Variants in ARL6IP6 observed in about 807,000 individuals in gnomAD.
The protein encoded by ARL6IP6 is ARF like GTPase 6 interacting protein 6, also known as ADP-ribosylation factor-like protein 6-interacting protein 6.
In ARL6IP6, 22 loss-of-function variants were observed where a neutral mutation model predicts 21.5. The ratio of observed to expected loss-of-function variants is 1.02; its 90% CI spans 0.73 to 1.46. ARL6IP6 has a LOEUF of 1.46. ARL6IP6 is among the 40% of genes most tolerant of loss of function. ARL6IP6 has a pLI of 0.00. For synonymous variants in ARL6IP6, 164 were observed against 125.3 expected, an observed-to-expected ratio of 1.31 and a Z score of -2.06; for missense variants, 388 against 299.8, an observed-to-expected ratio of 1.29 and a Z score of -2.17.
At chr2:152,755,024 A>G (rs899444499) in intron 3 of ARL6IP6, among the ~76,000 whole-genome samples, 2 of 152,142 alleles carry the variant, frequency 1.3e-5, no homozygotes, top group Non-Finnish European at 2.9e-5. Context: ...GTTTGTAGCA[A>G]TTACTCTTTA....
rs1699461422 is a variant in ARL6IP6, at chr2:152,718,848, C to G, written c.224C>G (p.Pro75Arg). 6.2e-7 allele frequency: 1 copy of G among 1,612,320 alleles called. No homozygotes were observed. Among genetic ancestry groups the G allele is most frequent in the Non-Finnish European group, 8.5e-7 (1 of 1,179,008 alleles). The change falls in exon 1 of 4, where the codon CCG (proline) becomes CGG (arginine). Residue 75 changes from proline to arginine, a missense_variant. Coordinates refer to ENST00000326446, the MANE Select transcript of ARL6IP6 (RefSeq NM_152522.7). ...SEPRKRSVLPPDGNGSPVLPD... is the reference protein window; with the variant it reads ...SEPRKRSVLPRDGNGSPVLPD... ...CCCAGAAAGCGCTCGGTGCTCCCGCCGGACGGGAACGGGTCGCCCGTTCTG... is the reference window on the plus strand; with the variant it reads ...CCCAGAAAGCGCTCGGTGCTCCCGCGGGACGGGAACGGGTCGCCCGTTCTG...
Position 152,718,933 on chromosome 2 carries a change from G to C in ARL6IP6, c.309G>C (p.Arg103=). ...AAAGSRAQPR[R]WPVQVLSILC... ...CGGGCAGCAGAGCCCAGCCTCGGCG[G>C]TGGCCGGTCCAGGTCCTCTCTATTC... The change falls in exon 1 of 4, where the codon CGG becomes CGC. Residue 103 remains arginine, a synonymous_variant. Transcript: ENST00000326446. 6.2e-7 allele frequency: 1 copy of C among 1,613,810 alleles called. No homozygotes were observed. Among genetic ancestry groups the C allele is most frequent in the Non-Finnish European group, 8.5e-7 (1 of 1,179,844 alleles).
At position 152,718,876 on chromosome 2, in the gene ARL6IP6, C is replaced by G. The variant is rs1423198094; in HGVS notation, c.252C>G (p.Pro84=). The change falls in exon 1 of 4, where the codon CCC becomes CCG. Residue 84 remains proline (P), a synonymous_variant. Coordinates refer to ENST00000326446, the MANE Select transcript of ARL6IP6 (RefSeq NM_152522.7). ...PPDGNGSPVL[P]DKRNGIFPAA... is the part of the protein sequence containing the mutation. ...ACGGGAACGGGTCGCCCGTTCTGCC[C>G]GATAAGCGCAATGGTATCTTTCCCG... The G allele has an allele frequency of 1.5e-5, 24 of 1,613,634 alleles. No individual in the cohort carries two copies. In the East Asian group the frequency reaches 4.5e-4, roughly 30 times the overall value.
intron 3 of ARL6IP6, among the ~76,000 whole-genome samples, chr2:152,741,596 T>A (rs1055108804): frequency 4.6e-5 from 7 of 152,088 alleles, no homozygotes; most frequent in African/African-American, 1.7e-4. Context: ...TAAGAAGAGG[T>A]TGAGATTAGA....
chr2:152,717,748 G>A, upstream of ARL6IP6: 1 of 1,307,114 alleles, frequency 7.7e-7, no homozygotes, highest in Non-Finnish European at 9.8e-7. Context: ...CCCGAGCTTA[G>A]ACCGCCTCAC....
chr2:152,746,680 C>A (rs914396846), intron 3 of ARL6IP6, among the ~76,000 whole-genome samples: 1 of 152,064 alleles, frequency 6.6e-6, no homozygotes, highest in African/African-American at 2.4e-5. Flanking sequence ...GCAACAGATA[C>A]GTCAGATGAT....
At chr2:152,752,810 G>C (rs923223947) in intron 3 of ARL6IP6, among the ~76,000 whole-genome samples, 2 of 152,204 alleles carry the variant, frequency 1.3e-5, no homozygotes, top group Non-Finnish European at 2.9e-5. Context: ...CCGGTGTGGG[G>C]AGATGGGGCT....
Position 152,735,014 on chromosome 2 carries a change from A to T in ARL6IP6, c.475A>T (p.Ile159Leu), listed in dbSNP as rs776691871. The change falls in exon 3 of 4, where the codon ATA becomes TTA. Residue 159 changes from isoleucine to leucine, a missense_variant. Physicochemically the swap from Ile to Leu is conservative, Grantham distance 5. Coordinates refer to ENST00000326446, the MANE Select transcript of ARL6IP6 (RefSeq NM_152522.7). ...GLLGFWTLLIISLTAGFSCCS... is the reference protein window; with the variant it reads ...GLLGFWTLLILSLTAGFSCCS... ...TTAAGGATTCTGGACTCTACTTATA[A>T]TATCCCTAACTGCTGGATTCTCCTG... The T allele has an allele frequency of 6.2e-7, 1 of 1,613,128 alleles. No individual in the cohort carries two copies. The highest frequency in any genetic ancestry group is 8.5e-7 in the Non-Finnish European group (1 of 1,179,176).
chr2:152,736,681 G>A lies in ARL6IP6; in HGVS notation c.587+1555G>A, dbSNP rs1301722257. 2.0e-5 allele frequency among the ~76,000 whole-genome samples: 3 copies of A among 151,894 alleles called. No homozygotes were observed. The East Asian group carries it at 5.8e-4, about 29-fold the overall frequency. On this transcript the variant is annotated intron_variant, in intron 3 of 3. Coordinates refer to ENST00000326446, the MANE Select transcript of ARL6IP6 (RefSeq NM_152522.7). ...TATACAGTCAGCCCTCTGTATCCAT[G>A]GGCTCCACATCCTTGAATTCAGCCA...
chr2:152,755,573 T>C (rs1701548681), intron 3 of ARL6IP6, among the ~76,000 whole-genome samples: 2 of 152,122 alleles, frequency 1.3e-5, no homozygotes, highest in South Asian at 4.1e-4. Flanking sequence ...CTCTCTCTCT[T>C]CCTCTCTCTC....
Position 152,720,581 on chromosome 2 carries a change from T to C in ARL6IP6, c.449T>C (p.Leu150Pro), listed in dbSNP as rs1343612782. ...AATGAAGATGATGTAGACACTGGAC[T>C]ATTAGGTATGGACTTAATTGCCGCT... ...LKNEDDVDTG[L>P]LGFWTLLIIS... The change falls in exon 2 of 4, where the codon CTA becomes CCA. Residue 150 changes from leucine (L) to proline (P), a missense_variant. Transcript: ENST00000326446. 4 of 1,613,698 alleles carry C rather than the reference T, an allele frequency of 2.5e-6. No individual in the cohort carries two copies. The highest frequency in any genetic ancestry group is 2.5e-6 in the Non-Finnish European group (3 of 1,179,784).
intron 3 of ARL6IP6, among the ~76,000 whole-genome samples, chr2:152,736,615 G>C (rs1167243028): frequency 2.6e-5 from 4 of 151,972 alleles, no homozygotes; most frequent in Non-Finnish European, 5.9e-5. Context: ...TGACTTCTTG[G>C]CCTTCTGTCC....
At chr2:152,737,751 A>G (rs1234306065) in intron 3 of ARL6IP6, among the ~76,000 whole-genome samples, 1 of 152,140 alleles carries the variant, frequency 6.6e-6, no homozygotes, top group African/African-American at 2.4e-5. Context: ...ATTACCTCCC[A>G]CACGGTCCCT....
At chr2:152,756,599 A>T (rs1001487540) in intron 3 of ARL6IP6, among the ~76,000 whole-genome samples, 2 of 152,206 alleles carry the variant, frequency 1.3e-5, no homozygotes, top group Non-Finnish European at 2.9e-5. Context: ...AGAATACGTA[A>T]AGAACTCTAT....
At chr2:152,746,821 CTTTTTTT>C (rs61506535) in intron 3 of ARL6IP6, among the ~76,000 whole-genome samples, 8 of 33,074 alleles carry the variant, frequency 2.4e-4, no homozygotes, top group Admixed American at 1.5e-3. Context: ...TTTATCCTTT[CTTTTTTT>C]TTTTTTTTTT....
intron 3 of ARL6IP6, among the ~76,000 whole-genome samples, chr2:152,742,468 T>C (rs1331426196): frequency 6.6e-6 from 1 of 150,888 alleles, no homozygotes; most frequent in Admixed American, 6.7e-5. Flanking sequence ...ACTGGGAGGC[T>C]GAGGCAGAAG....
intron 3 of ARL6IP6, among the ~76,000 whole-genome samples, chr2:152,743,699 A>G (rs1490661547): frequency 6.6e-6 from 1 of 152,192 alleles, no homozygotes; most frequent in Admixed American, 6.5e-5. Flanking sequence ...AAAAAAATCA[A>G]TGCTTGTATT....
intron 3 of ARL6IP6, among the ~76,000 whole-genome samples, chr2:152,756,488 A>G (rs1248345010): frequency 6.6e-6 from 1 of 152,196 alleles, no homozygotes; most frequent in Admixed American, 6.5e-5. Flanking sequence ...ATTCAAATTA[A>G]GAACTTCTGT....
intron 3 of ARL6IP6, among the ~76,000 whole-genome samples, chr2:152,751,331 A>T (rs980174159): frequency 3.9e-5 from 6 of 152,192 alleles, no homozygotes; most frequent in Admixed American, 3.9e-4. Flanking sequence ...AACATTTATC[A>T]TTTCTTTGTA....
Sources: allele counts gnomAD v4.1 joint callset (sites outside exome capture counted in the v4.1 genomes callset), GRCh38; gene constraint gnomAD v4.1.1; transcripts MANE v1.5; gene names NCBI Gene and HGNC (gene_info 2026-07-23, HGNC 2026-07-21).